KLF8: variants seen among roughly 807,000 people sequenced by gnomAD.
KLF8 encodes Krueppel-like factor 8.
In KLF8, 10 loss-of-function variants were observed where a neutral mutation model predicts 18.2. The ratio of observed to expected loss-of-function variants is 0.55; its 90% CI spans 0.34 to 0.93. The LOEUF (loss-of-function observed/expected upper bound fraction) is 0.93, where lower values mean the gene tolerates loss of function less well. Among genes scored for constraint, KLF8 ranks in the 40% least tolerant of loss-of-function variants. KLF8 has a pLI of 0.02. For missense variants in KLF8, 264 were observed against 277.9 expected (o/e 0.95, Z 0.36); for synonymous variants, 109 against 97.3 (o/e 1.12, Z -0.71).
the KLF8 span, among the ~76,000 whole-genome samples, chrX:56,210,596 G>T: frequency 9.0e-6 from 1 of 111,122 alleles, no homozygotes; most frequent in Admixed American, 9.6e-5. Context: ...GGTTTAGGAA[G>T]TTCTCTGTTA....
the KLF8 span, among the ~76,000 whole-genome samples, chrX:55,928,659 T>C: frequency 5.4e-5 from 6 of 111,685 alleles, no homozygotes; most frequent in Non-Finnish European, 9.4e-5. Context: ...CTAAGAAAGA[T>C]GGTTTCTGGC....
chrX:56,137,094 G>C, the KLF8 span, among the ~76,000 whole-genome samples: 1 of 110,349 alleles, frequency 9.1e-6, no homozygotes, highest in Non-Finnish European at 1.9e-5. Context: ...TCATTAAAAA[G>C]TCAGGAAACA....
the KLF8 span, among the ~76,000 whole-genome samples, chrX:56,049,591 C>A: frequency 9.8e-6 from 1 of 102,564 alleles, no homozygotes; most frequent in East Asian, 3.0e-4. Context: ...GTATATTGAA[C>A]CAGCCTTGCA....
the KLF8 span, among the ~76,000 whole-genome samples, chrX:56,135,352 C>G: frequency 9.0e-6 from 1 of 111,302 alleles, no homozygotes; most frequent in East Asian, 2.8e-4. Flanking sequence ...ACATATACAC[C>G]ATGGAATACT....
At chrX:56,158,458 T>C in the KLF8 span, among the ~76,000 whole-genome samples, 2 of 112,091 alleles carry the variant, frequency 1.8e-5, no homozygotes, top group Non-Finnish European at 3.8e-5. Flanking sequence ...GGGATGGCAT[T>C]GAATCTATAA....
chrX:56,173,797 C>T, the KLF8 span, among the ~76,000 whole-genome samples: 1 of 111,473 alleles, frequency 9.0e-6, no homozygotes, highest in Non-Finnish European at 1.9e-5. Flanking sequence ...TGTAGTTCTC[C>T]TTGAAGAGGT....
chrX:56,270,053 T>TG, intron 4 of KLF8, 129 bp from the exon 5 acceptor site: 1 of 629,311 alleles, frequency 1.6e-6, no homozygotes, highest in Middle Eastern at 3.3e-4. Flanking sequence ...TATTTCTTTT[T>TG]GGGGGGACCT....
At chrX:56,103,109 T>G in the KLF8 span, among the ~76,000 whole-genome samples, 3 of 110,439 alleles carry the variant, frequency 2.7e-5, no homozygotes, top group African/African-American at 9.9e-5. Flanking sequence ...TTTTGGTTAC[T>G]GTAGCCTTGT....
At chrX:56,081,031 A>T in the KLF8 span, among the ~76,000 whole-genome samples, 1 of 110,416 alleles carries the variant, frequency 9.1e-6, no homozygotes, top group Non-Finnish European at 1.9e-5. Context: ...TGTATTGGTT[A>T]TTCTAGTTAT....
chrX:56,216,144 C>T, the KLF8 span, among the ~76,000 whole-genome samples: 1 of 109,550 alleles, frequency 9.1e-6, no homozygotes, highest in Non-Finnish European at 1.9e-5. Context: ...TAAAATCAGC[C>T]TACTTCTCTT....
At chrX:56,022,442 G>T in the KLF8 span, among the ~76,000 whole-genome samples, 8 of 105,997 alleles carry the variant, frequency 7.5e-5, no homozygotes, top group Non-Finnish European at 5.8e-5. Context: ...CCAGCTACTC[G>T]GGAGGCTGAG....
chrX:56,282,199 T>C (rs2067210625), intron 5 of KLF8, among the ~76,000 whole-genome samples: 1 of 112,505 alleles, frequency 8.9e-6, no homozygotes, highest in Admixed American at 9.4e-5. Context: ...AACAATTTGT[T>C]GTATAGCCTT....
the KLF8 span, among the ~76,000 whole-genome samples, chrX:56,053,590 C>G: frequency 2.2e-5 from 2 of 92,162 alleles, no homozygotes; most frequent in Non-Finnish European, 4.4e-5. Flanking sequence ...GATACCAGCT[C>G]TTCTTTGTAC....
At chrX:56,189,310 A>T in the KLF8 span, among the ~76,000 whole-genome samples, 1 of 112,235 alleles carries the variant, frequency 8.9e-6, no homozygotes, top group Non-Finnish European at 1.9e-5. Flanking sequence ...GCAAGTCAAA[A>T]CCACAGTGAG....
At chrX:56,053,331 T>C in the KLF8 span, among the ~76,000 whole-genome samples, 65 of 112,125 alleles carry the variant, frequency 5.8e-4, no homozygotes, top group Non-Finnish European at 1.1e-3. Context: ...GTTGTGTATG[T>C]TGAACCAATT....
the KLF8 span, among the ~76,000 whole-genome samples, chrX:56,022,783 T>C: frequency 1.8e-5 from 2 of 109,589 alleles, no homozygotes; most frequent in East Asian, 5.7e-4. Context: ...AAAACTGTCA[T>C]TATTCAACCT....
chrX:56,141,002 G>T, the KLF8 span, among the ~76,000 whole-genome samples: 1 of 111,127 alleles, frequency 9.0e-6, no homozygotes, highest in Non-Finnish European at 1.9e-5. Flanking sequence ...GTTTTTTTGA[G>T]ATGGAGTCTC....
the KLF8 span, among the ~76,000 whole-genome samples, chrX:56,177,347 T>C: frequency 2.7e-5 from 3 of 111,245 alleles, no homozygotes; most frequent in East Asian, 8.5e-4. Flanking sequence ...GCAGGTCTGT[T>C]GGAGTTTGCT....
At chrX:56,112,439 T>C in the KLF8 span, among the ~76,000 whole-genome samples, 23,032 of 110,810 alleles carry the variant, frequency 0.21, 4,914 homozygotes, top group African/African-American at 0.65. Flanking sequence ...TGTAACAAAC[T>C]TGCACGTTCT....
Sources: allele counts gnomAD v4.1 joint callset (sites outside exome capture counted in the v4.1 genomes callset), GRCh38; gene constraint gnomAD v4.1.1; transcripts MANE v1.5; gene names NCBI Gene and HGNC (gene_info 2026-07-23, HGNC 2026-07-21).